Variants in KDM7A observed in about 807,000 individuals in gnomAD.
KDM7A encodes the protein lysine-specific demethylase 7A.
KDM7A carries 28 observed loss-of-function variants against 114.8 expected under a neutral mutation model. That is an observed-to-expected ratio of 0.24 (90% CI 0.18 to 0.33). The LOEUF (loss-of-function observed/expected upper bound fraction) is 0.33. Ranked by LOEUF, KDM7A falls within the 10% of genes least tolerant of loss-of-function variation. The probability of loss-of-function intolerance (pLI) is 1.00; values close to 1 mark genes in which losing one functional copy is unlikely to be tolerated. For synonymous variants in KDM7A, 423 were observed against 397.8 expected, an observed-to-expected ratio of 1.06 and a Z score of -0.75; for missense variants, 942 against 1,142.5, an observed-to-expected ratio of 0.82 and a Z score of 2.53.
intron 9 of KDM7A, among the ~76,000 whole-genome samples, chr7:140,117,264 C>T (rs1372986307): frequency 2.0e-5 from 3 of 152,152 alleles, no homozygotes; most frequent in African/African-American, 7.2e-5. Flanking sequence ...TTCAATCAGA[C>T]CTCCATGTTT....
At chr7:140,121,453 A>G (rs564132651) in intron 7 of KDM7A, among the ~76,000 whole-genome samples, 1 of 152,356 alleles carries the variant, frequency 6.6e-6, no homozygotes, top group African/African-American at 2.4e-5. Context: ...AAGTGTGCCC[A>G]TTGCTGTGCT....
Position 140,086,569 on chromosome 7 carries a change from GATTAC to G in KDM7A, c.*4520_*4524del, listed in dbSNP as rs1445183925. 2.0e-5 allele frequency: 3 copies of G among 152,136 alleles called. No homozygotes were observed. The highest frequency in any genetic ancestry group is 7.2e-5 in the African/African-American group (3 of 41,426). The allele number at this position is 152,136 out of a possible 1,614,324, so 9.4% of individuals were successfully genotyped here. A position where few individuals can be genotyped will look rare whatever the true frequency, so the allele number is the denominator to read the frequency against. On this transcript the variant is annotated 3_prime_UTR_variant, in exon 20 of 20. Coordinates refer to ENST00000397560, the MANE Select transcript of KDM7A (RefSeq NM_030647.2). ...GCTTCTAGGAAGGCTACAGTATTAA[GATTAC>G]ATTACGTTCAACAGCAACAGAATGA...
Position 140,087,545 on chromosome 7 carries a change from AATG to A in KDM7A, c.*3546_*3548del, listed in dbSNP as rs1314221358. On this transcript the variant is annotated 3_prime_UTR_variant, in exon 20 of 20. Transcript: ENST00000397560. ...GTGCATTAATTGCCAGTTTTAACTT[AATG>A]ATAAGTTCTCTGTATGTATGAAGTG... The A allele has an allele frequency of 2.6e-5, 4 of 152,204 alleles. No individual in the cohort carries two copies. Among genetic ancestry groups the A allele is most frequent in the East Asian group, 1.9e-4 (1 of 5,206 alleles). The allele number at this position is 152,204 out of a possible 1,614,324, so 9.4% of individuals were successfully genotyped here. A position where few individuals can be genotyped will look rare whatever the true frequency, so the allele number is the denominator to read the frequency against.
chr7:140,124,538 T>C, intron 7 of KDM7A, 83 bp downstream of exon 7: 1 of 930,704 alleles, frequency 1.1e-6, no homozygotes, highest in Non-Finnish European at 1.6e-6. Flanking sequence ...TTTCCAAACA[T>C]GTTAAAGCCA....
At chr7:140,100,101 C>T (rs1421829266) in intron 12 of KDM7A, 78 bp from the exon 13 acceptor site, 58 of 1,449,386 alleles carry the variant, frequency 4.0e-5, no homozygotes, top group Non-Finnish European at 1.9e-6. Context: ...CAGTATACCA[C>T]CACCTCCCCC....
intron 1 of KDM7A, among the ~76,000 whole-genome samples, chr7:140,162,928 TATGAGAAGCTC>T (rs1794535994): frequency 2.0e-5 from 3 of 151,970 alleles, no homozygotes; most frequent in Admixed American, 2.0e-4. Flanking sequence ...TACATGCTGA[TATGAGAAGCTC>T]TCTGAGATAT....
At chr7:140,146,071 T>C (rs1471935878) in intron 1 of KDM7A, among the ~76,000 whole-genome samples, 1 of 152,212 alleles carries the variant, frequency 6.6e-6, no homozygotes, top group Non-Finnish European at 1.5e-5. Flanking sequence ...GGCTTCAGGT[T>C]TGGGCCAGTT....
chr7:140,102,072 T>C lies in KDM7A; in HGVS notation c.1517A>G (p.His506Arg). The C allele has an allele frequency of 1.2e-6, 2 of 1,613,560 alleles. No homozygotes were observed. The highest frequency in any genetic ancestry group is 1.7e-6 in the Non-Finnish European group (2 of 1,179,480). ...AAGTTTCCTCATCTTTCTTCGGGAATGGTATGGGGAAGTTGCTTCATTTGA... is the reference window on the plus strand; with the variant it reads ...AAGTTTCCTCATCTTTCTTCGGGAACGGTATGGGGAAGTTGCTTCATTTGA... ...RSSNEATSPY[H>R]SRRKMRKLRD... Residue 506 changes from histidine (H) to arginine (R), a missense_variant, in exon 12 of 20, where the codon CAT becomes CGT. Transcript: ENST00000397560.
chr7:140,160,475 C>G (rs1462605528), intron 1 of KDM7A, among the ~76,000 whole-genome samples: 2 of 152,224 alleles, frequency 1.3e-5, no homozygotes, highest in South Asian at 4.1e-4. Flanking sequence ...ACAAAACACT[C>G]TGCAGACCTG....
intron 11 of KDM7A, among the ~76,000 whole-genome samples, chr7:140,109,828 T>C (rs984075620): frequency 2.6e-5 from 4 of 152,212 alleles, no homozygotes; most frequent in East Asian, 1.9e-4. Context: ...ACATAACATA[T>C]TGTCATTACA....
At chr7:140,174,465 C>T (rs1014247153) in intron 1 of KDM7A, among the ~76,000 whole-genome samples, 11 of 152,198 alleles carry the variant, frequency 7.2e-5, no homozygotes, top group Non-Finnish European at 1.0e-4. Flanking sequence ...TGTATACTTA[C>T]ATGTATTACA....
At chr7:140,174,381 G>A (rs903575594) in intron 1 of KDM7A, among the ~76,000 whole-genome samples, 1 of 152,092 alleles carries the variant, frequency 6.6e-6, no homozygotes, top group African/African-American at 2.4e-5. Flanking sequence ...AAAGCAGAGA[G>A]GGCATATTTG....
intron 1 of KDM7A, among the ~76,000 whole-genome samples, chr7:140,162,098 G>A (rs1794526330): frequency 6.6e-6 from 1 of 152,062 alleles, no homozygotes; most frequent in African/African-American, 2.4e-5. Flanking sequence ...CACTTTGGGA[G>A]GCCGAGGCAG....
chr7:140,158,702 G>T (rs1403571559), intron 1 of KDM7A, among the ~76,000 whole-genome samples: 1 of 152,186 alleles, frequency 6.6e-6, no homozygotes, highest in East Asian at 1.9e-4. Context: ...AGCCATAAAA[G>T]ATCAGGGAGA....
At chr7:140,107,135 C>A (rs899572609) in intron 11 of KDM7A, among the ~76,000 whole-genome samples, 4 of 152,154 alleles carry the variant, frequency 2.6e-5, no homozygotes, top group African/African-American at 4.8e-5. Context: ...GTAGATCTTC[C>A]TCCATCCCTT....
chr7:140,140,149 T>C (rs1017249357), intron 1 of KDM7A, among the ~76,000 whole-genome samples: 7 of 152,160 alleles, frequency 4.6e-5, no homozygotes, highest in African/African-American at 1.7e-4. Flanking sequence ...CAGCATAACC[T>C]TGGTACCAAA....
At position 140,086,793 on chromosome 7, in the gene KDM7A, T is replaced by C. The variant is rs1284616163; in HGVS notation, c.*4301A>G. The C allele has an allele frequency of 6.6e-6, 1 of 152,166 alleles. No homozygotes were observed. The highest frequency in any genetic ancestry group is 1.5e-5 in the Non-Finnish European group (1 of 68,026). The allele number at this position is 152,166 out of a possible 1,614,324, so 9.4% of individuals were successfully genotyped here. On this transcript the variant is annotated 3_prime_UTR_variant, in exon 20 of 20. Coordinates refer to ENST00000397560, the MANE Select transcript of KDM7A (RefSeq NM_030647.2). ...TCTCCTTTATTTACCAGCGACACTC[T>C]GTCTAGGCTAAAGATCTGATGATCC... is the stretch of plus-strand genomic sequence containing the variant.
At chr7:140,154,983 C>CTT (rs1435356944) in intron 1 of KDM7A, among the ~76,000 whole-genome samples, 2 of 152,086 alleles carry the variant, frequency 1.3e-5, no homozygotes, top group Non-Finnish European at 2.9e-5. Flanking sequence ...AAAACCACCC[C>CTT]TTTATCAACA....
chr7:140,095,220 T>C (rs1818086407), intron 17 of KDM7A, among the ~76,000 whole-genome samples: 1 of 152,248 alleles, frequency 6.6e-6, no homozygotes. Flanking sequence ...AAAAATGGTA[T>C]ATTTTTCCAC....
Sources: gnomAD v4.1 joint callset for allele counts (sites outside exome capture counted in the v4.1 genomes callset) on GRCh38, gnomAD v4.1.1 for gene constraint, MANE v1.5 for transcripts, NCBI Gene and HGNC (gene_info 2026-07-23, HGNC 2026-07-21) for gene names.